XRCC4: variants seen among roughly 807,000 people sequenced by gnomAD.
The protein encoded by XRCC4 is DNA repair protein XRCC4.
XRCC4 carries 28 observed loss-of-function variants against 39.1 expected under a neutral mutation model. That is an observed-to-expected ratio of 0.72 (90% CI 0.53 to 0.98). XRCC4 has a LOEUF of 0.98. Ranked by LOEUF, XRCC4 falls within the 50% of genes least tolerant of loss-of-function variation. The pLI is 0.00. For missense variants in XRCC4, 350 were observed against 376.4 expected (o/e 0.93, Z 0.58); for synonymous variants, 123 against 126.4 (o/e 0.97, Z 0.18).
intron 3 of XRCC4, among the ~76,000 whole-genome samples, chr5:83,133,612 C>T (rs1452599464): frequency 6.6e-6 from 1 of 152,200 alleles, no homozygotes; most frequent in Non-Finnish European, 1.5e-5. Flanking sequence ...CCTAGCCTTG[C>T]TGCCCCCTTG....
At chr5:83,235,334 CAAAAAAA>C (rs57372204) in intron 6 of XRCC4, among the ~76,000 whole-genome samples, 2 of 58,742 alleles carry the variant, frequency 3.4e-5, no homozygotes, top group African/African-American at 1.0e-4. Context: ...GACCCTATCT[CAAAAAAA>C]AAAAAAAAAA....
chr5:83,086,516 A>G (rs1434751109), intron 1 of XRCC4, among the ~76,000 whole-genome samples: 1 of 152,208 alleles, frequency 6.6e-6, no homozygotes, highest in African/African-American at 2.4e-5. Context: ...GATCATCATA[A>G]AGGTCTTCAT....
intron 6 of XRCC4, among the ~76,000 whole-genome samples, chr5:83,238,720 T>C (rs1314701210): frequency 6.6e-6 from 1 of 152,148 alleles, no homozygotes; most frequent in African/African-American, 2.4e-5. Flanking sequence ...CTGAATCGTT[T>C]TATTTTTCAT....
chr5:83,222,908 T>G (rs1408961403), intron 6 of XRCC4, among the ~76,000 whole-genome samples: 1 of 152,016 alleles, frequency 6.6e-6, no homozygotes, highest in Middle Eastern at 3.2e-3. Flanking sequence ...CCACAACACC[T>G]GGCTAATTTT....
chr5:83,308,698 T>C (rs996610848), intron 7 of XRCC4, among the ~76,000 whole-genome samples: 6 of 152,166 alleles, frequency 3.9e-5, no homozygotes, highest in Non-Finnish European at 8.8e-5. Context: ...AAAATTAAAA[T>C]AACAGTGAAT....
At chr5:83,250,656 G>A (rs185539805) in intron 6 of XRCC4, among the ~76,000 whole-genome samples, 8 of 145,772 alleles carry the variant, frequency 5.5e-5, no homozygotes, top group South Asian at 2.2e-4. Flanking sequence ...GTTTGAGTTC[G>A]TTCTGAAACA....
At chr5:83,211,413 A>G (rs1751640241) in intron 6 of XRCC4, among the ~76,000 whole-genome samples, 1 of 152,222 alleles carries the variant, frequency 6.6e-6, no homozygotes, top group African/African-American at 2.4e-5. Flanking sequence ...TAGGTGTGTT[A>G]GGCCAATGGA....
chr5:83,198,780 T>C (rs1032239995), intron 4 of XRCC4, among the ~76,000 whole-genome samples: 2 of 152,196 alleles, frequency 1.3e-5, no homozygotes, highest in African/African-American at 4.8e-5. Flanking sequence ...TTTGCTGTTA[T>C]TTTTAATTAC....
rs532752904 is a variant in XRCC4, at chr5:83,083,412, C to T, written c.-11+5797C>T. 2.4e-4 allele frequency among the ~76,000 whole-genome samples: 34 copies of T among 139,302 alleles called. 1 individual carries two copies. Among genetic ancestry groups the T allele is most frequent in the Non-Finnish European group, 9.1e-5 (6 of 65,874 alleles). The allele number at this position is 139,302 out of a possible 152,430, so 91.4% of individuals were successfully genotyped here. On this transcript the variant is annotated intron_variant, in intron 1 of 7. Coordinates refer to ENST00000396027, the MANE Select transcript of XRCC4 (RefSeq NM_003401.5). ...TTTTTTTTGAGATGGAGTCTTGCTCCGTTTCCCAGGCTGGAGTGCAGTGGC... is the reference window on the plus strand; with the variant it reads ...TTTTTTTTGAGATGGAGTCTTGCTCTGTTTCCCAGGCTGGAGTGCAGTGGC...
intron 6 of XRCC4, among the ~76,000 whole-genome samples, chr5:83,241,240 CA>C (rs541873201): frequency 0.04 from 2,452 of 60,862 alleles, 23 homozygotes; most frequent in African/African-American, 0.073. Flanking sequence ...AAGACTCTGT[CA>C]AAAAAAAAAA....
chr5:83,303,212 C>CAAA (rs760220069), intron 7 of XRCC4, among the ~76,000 whole-genome samples: 13 of 62,752 alleles, frequency 2.1e-4, no homozygotes, highest in East Asian at 4.5e-4. Flanking sequence ...GACTCCGTCT[C>CAAA]AAAAAAAAAA....
At chr5:83,223,481 G>A (rs1752165834) in intron 6 of XRCC4, among the ~76,000 whole-genome samples, 2 of 140,020 alleles carry the variant, frequency 1.4e-5, no homozygotes, top group Admixed American at 1.3e-4. Flanking sequence ...GTTGCTTTTT[G>A]CAGTTTTTTT....
intron 7 of XRCC4, among the ~76,000 whole-genome samples, chr5:83,277,650 T>A (rs1222450689): frequency 6.6e-6 from 1 of 152,232 alleles, no homozygotes; most frequent in Non-Finnish European, 1.5e-5. Flanking sequence ...CAACATCGGT[T>A]GAAAGTTTAA....
the XRCC4 span, among the ~76,000 whole-genome samples, chr5:83,360,325 G>A: frequency 6.6e-6 from 1 of 152,028 alleles, no homozygotes; most frequent in Non-Finnish European, 1.5e-5. Context: ...ATTATACTTT[G>A]CAAATAATTA....
chr5:83,283,288 C>T (rs764423335), intron 7 of XRCC4, among the ~76,000 whole-genome samples: 3 of 152,146 alleles, frequency 2.0e-5, no homozygotes, highest in Admixed American at 1.3e-4. Context: ...TTCACTTTGT[C>T]GAAGCTAGAG....
chr5:83,321,935 T>G (rs1756090249), intron 7 of XRCC4, among the ~76,000 whole-genome samples: 1 of 150,992 alleles, frequency 6.6e-6, no homozygotes, highest in Non-Finnish European at 1.5e-5. Context: ...GTCTGAGAGA[T>G]TCAGTTGATT....
chr5:83,083,026 A>G (rs949743490), intron 1 of XRCC4, among the ~76,000 whole-genome samples: 3 of 151,996 alleles, frequency 2.0e-5, no homozygotes, highest in South Asian at 2.1e-4. Flanking sequence ...CTATTCCTTC[A>G]TAGCTTTTAC....
At chr5:83,371,880 CA>C in the XRCC4 span, among the ~76,000 whole-genome samples, 1 of 152,104 alleles carries the variant, frequency 6.6e-6, no homozygotes. Flanking sequence ...CACAATTGGG[CA>C]AAAGTCCACA....
At chr5:83,229,117 C>T (rs1282959045) in intron 6 of XRCC4, among the ~76,000 whole-genome samples, 3 of 152,114 alleles carry the variant, frequency 2.0e-5, no homozygotes, top group South Asian at 2.1e-4. Flanking sequence ...AGAATTTAAA[C>T]GCTATAGACT....
Sources: gnomAD v4.1 joint callset for allele counts (sites outside exome capture counted in the v4.1 genomes callset) on GRCh38, gnomAD v4.1.1 for gene constraint, MANE v1.5 for transcripts, NCBI Gene and HGNC (gene_info 2026-07-23, HGNC 2026-07-21) for gene names.